PARP14: variants seen among roughly 807,000 people sequenced by gnomAD.
PARP14 encodes the protein poly(ADP-ribose) polymerase family member 14.
PARP14 carries 59 observed loss-of-function variants against 154.2 expected under a neutral mutation model. The ratio of observed to expected loss-of-function variants is 0.38; its 90% confidence interval spans 0.31 to 0.48. The LOEUF (loss-of-function observed/expected upper bound fraction) is 0.48, where lower values mean the gene tolerates loss of function less well. PARP14 is among the 20% of genes least tolerant of loss of function. The pLI is 0.98. For synonymous variants in PARP14, 720 were observed against 780.5 expected (o/e 0.92, Z 1.29); for missense variants, 1,734 against 2,131.6 (o/e 0.81, Z 3.67).
intron 16 of PARP14, 40 bp from the exon 17 acceptor site, chr3:122,728,268 A>C: frequency 6.5e-7 from 1 of 1,549,730 alleles, no homozygotes; most frequent in Non-Finnish European, 8.8e-7. Context: ...CAAATTTTAC[A>C]TTAACTTGAA....
intron 15 of PARP14, chr3:122,721,018 T>C (rs1933153694): frequency 3.1e-6 from 1 of 320,726 alleles, no homozygotes; most frequent in South Asian, 2.3e-5. Flanking sequence ...AAATTATATT[T>C]TCCTTGACTT....
At chr3:122,693,008 C>T (rs965582838) in intron 4 of PARP14, among the ~76,000 whole-genome samples, 29 of 152,254 alleles carry the variant, frequency 1.9e-4, no homozygotes, top group Middle Eastern at 3.4e-3. Flanking sequence ...AGCCTCTTTA[C>T]GTGTATTAAT....
chr3:122,686,806 T>G (rs1938389462), intron 2 of PARP14: 1 of 358,302 alleles, frequency 2.8e-6, no homozygotes, highest in African/African-American at 2.1e-5. Context: ...TGAGCTAAGA[T>G]GTTTCTCTGA....
In PARP14 at chr3:122,718,427, T is replaced by A; in HGVS notation, c.4276T>A (p.Ser1426Thr). 3 of 1,613,692 alleles carry A rather than the reference T, an allele frequency of 1.9e-6. No homozygotes were observed. The highest frequency in any genetic ancestry group is 2.5e-6 in the Non-Finnish European group (3 of 1,179,796). ...NHLVLEKKTE[S>T]ATFRVCGENV... is the part of the protein sequence containing the mutation. ...TTTGGTTTTGGAAAAGAAAACAGAA[T>A]CAGCAACTTTTCGGGTGTGTGGTGA... is the stretch of plus-strand genomic sequence containing the variant. Residue 1426 changes from serine to threonine, a missense_variant, in exon 14 of 17, where the codon TCA becomes ACA. Physicochemically the swap from Ser to Thr is moderately conservative, Grantham distance 58 (BLOSUM62 1). Around this residue, in one of 2 missense-constraint regions of PARP14, gnomAD observed 1,646 missense variants for 1,976.0 expected, o/e 0.83. Coordinates refer to ENST00000474629, the MANE Select transcript of PARP14 (RefSeq NM_017554.3).
At chr3:122,688,746 G>A (rs909147588) in intron 3 of PARP14, among the ~76,000 whole-genome samples, 6 of 152,222 alleles carry the variant, frequency 3.9e-5, no homozygotes, top group African/African-American at 4.8e-5. Context: ...CGTACTCTCC[G>A]GACAATGAAC....
intron 3 of PARP14, among the ~76,000 whole-genome samples, chr3:122,691,725 C>A (rs1258584065): frequency 1.3e-5 from 2 of 152,016 alleles, no homozygotes; most frequent in Non-Finnish European, 2.9e-5. Flanking sequence ...TTTTGAGAAG[C>A]TTTGTTGAAT....
At position 122,680,947 on chromosome 3, in the gene PARP14, A is replaced by T; in HGVS notation, c.64A>T (p.Asn22Tyr). ...EGSWGPDPPK[N>Y]LNTKLQMYFQ... is the part of the protein sequence containing the mutation. ...CTCCTGGGGCCCCGACCCCCCGAAGAACTTGAACACCAAGTTGCAGATGTA... is the reference window on the plus strand; with the variant it reads ...CTCCTGGGGCCCCGACCCCCCGAAGTACTTGAACACCAAGTTGCAGATGTA... Residue 22 changes from asparagine (N) to tyrosine (Y), a missense_variant, in exon 1 of 17, where the codon AAC (asparagine) becomes TAC (tyrosine). This residue lies in a region of PARP14 where 1,646 missense variants were observed against 1,976.0 expected (regional missense o/e 0.83). Transcript: ENST00000474629. 3 of 1,613,416 alleles carry T rather than the reference A, an allele frequency of 1.9e-6. No individual in the cohort carries two copies. The highest frequency in any genetic ancestry group is 2.5e-6 in the Non-Finnish European group (3 of 1,179,640).
Position 122,681,194 on chromosome 3 carries a change from CGGGGCG to C in PARP14, c.187+144_187+149del, listed in dbSNP as rs568390490. 3.0e-4 allele frequency: 20 copies of C among 65,578 alleles called. No individual in the cohort carries two copies. The highest frequency in any genetic ancestry group is 2.1e-3 in the South Asian group (6 of 2,848). The allele number at this position is 65,578 out of a possible 1,614,324, so 4.1% of individuals were successfully genotyped here. ...CGGCGGCTGCTGTAGCGGAGGTGGC[CGGGGCG>C]GGGGCGGGGGCGGGGGCGGCAGAAT... On this transcript the variant is annotated intron_variant, in intron 1 of 16. Transcript: ENST00000474629. This position sits in a 1 kb window ranked among gnomAD's most constrained non-coding sequence, Gnocchi z 5.5.
rs942277461 is a variant in PARP14 at position 122,729,355 on chromosome 3, G to A, written c.*758G>A. On this transcript the variant is annotated 3_prime_UTR_variant, in exon 17 of 17. Transcript: ENST00000474629. ...TGTGGCTGTGGTCTAGGGGAATCCT[G>A]CCTGCCCCATGGAGTTGCGCAGCAC... 2.6e-5 allele frequency: 4 copies of A among 152,610 alleles called. No individual in the cohort carries two copies. The highest frequency in any genetic ancestry group is 6.5e-5 in the Admixed American group (1 of 15,268). 9.5% of individuals were successfully genotyped at this position (152,610 alleles called of 1,614,324 possible).
chr3:122,720,719 G>T (rs1933143690), intron 15 of PARP14: 1 of 458,542 alleles, frequency 2.2e-6, no homozygotes, highest in African/African-American at 2.0e-5. Context: ...CCATGCAGAG[G>T]CTCCTTAGAT....
intron 4 of PARP14, among the ~76,000 whole-genome samples, chr3:122,693,075 T>A (rs535531057): frequency 6.6e-6 from 1 of 152,190 alleles, no homozygotes; most frequent in Admixed American, 6.5e-5. Flanking sequence ...CATGTTACAG[T>A]TGGGGAGACA....
At chr3:122,686,907 G>T (rs1250746679) in intron 2 of PARP14, 173 bp from the exon 3 acceptor site, 6 of 518,412 alleles carry the variant, frequency 1.2e-5, no homozygotes, top group Non-Finnish European at 2.0e-5. Context: ...TTTGTGACTT[G>T]CAAGTGAATA....
At position 122,726,702 on chromosome 3, in the gene PARP14, A is replaced by C. The variant is rs141808222; in HGVS notation, c.4942-1110A>C. ...ATTACTTGACATAATTATTTTTAAA[A>C]ATTTTAAAAGGTAAGAAACAACCTT... On this transcript the variant is annotated intron_variant, in intron 15 of 16. Transcript: ENST00000474629. Among the ~76,000 whole-genome samples, 766 of 152,276 alleles carry C rather than the reference A, an allele frequency of 5.0e-3. 8 individuals are homozygous for C. Among genetic ancestry groups the C allele is most frequent in the African/African-American group, 0.017 (690 of 41,566 alleles).
intron 12 of PARP14, among the ~76,000 whole-genome samples, chr3:122,715,226 T>G (rs767056245): frequency 2.6e-5 from 4 of 152,174 alleles, no homozygotes; most frequent in Non-Finnish European, 5.9e-5. Flanking sequence ...AGGGGAGGCA[T>G]GCATTCTTAG....
chr3:122,700,312 A>G lies in PARP14; in HGVS notation c.1758A>G (p.Leu586=). 1.2e-6 allele frequency: 2 copies of G among 1,613,608 alleles called. No individual in the cohort carries two copies. The change falls in exon 6 of 17, where the codon TTA becomes TTG. Residue 586 remains leucine (L), a synonymous_variant. Coordinates refer to ENST00000474629, the MANE Select transcript of PARP14 (RefSeq NM_017554.3). The stretch of plus-strand genomic sequence containing the variant: ...CCAGCTGTTCTTCTGAAGCCCTGTT[A>G]GAAGCAGAAAAGCAAATGCTCAGTG... ...LLTSCSSEAL[L]EAEKQMLSAL...
At position 122,700,348 on chromosome 3, in the gene PARP14, T is replaced by C. The variant is rs772978736; in HGVS notation, c.1794T>C (p.Tyr598=). 14 of 1,613,748 alleles carry C rather than the reference T, an allele frequency of 8.7e-6. No individual in the cohort carries two copies. Residue 598 remains tyrosine (Y), a synonymous_variant, in exon 6 of 17, where the codon TAT becomes TAC. Transcript: ENST00000474629. ...AEKQMLSALN[Y]KRIEVENKEV... ...AGCAAATGCTCAGTGCCTTAAATTATAAGCGCATTGAAGTTGAGAACAAAG... is the reference window on the plus strand; with the variant it reads ...AGCAAATGCTCAGTGCCTTAAATTACAAGCGCATTGAAGTTGAGAACAAAG...
chr3:122,692,796 A>G (rs1322578302), intron 4 of PARP14, among the ~76,000 whole-genome samples: 1 of 152,196 alleles, frequency 6.6e-6, no homozygotes, highest in Admixed American at 6.5e-5. Flanking sequence ...AGAGAGAGAG[A>G]GACAGGCAGA....
intron 2 of PARP14, chr3:122,686,792 A>T (rs1217677870): frequency 3.1e-6 from 1 of 319,148 alleles, no homozygotes; most frequent in African/African-American, 2.2e-5. Context: ...CAAGGGAAAA[A>T]TTATGAGCTA....
At position 122,700,153 on chromosome 3, in the gene PARP14, G is replaced by A. The variant is rs374119554; in HGVS notation, c.1599G>A (p.Gln533=). The A allele has an allele frequency of 1.2e-6, 2 of 1,613,278 alleles. No homozygotes were observed. Among genetic ancestry groups the A allele is most frequent in the African/African-American group, 2.7e-5 (2 of 74,920 alleles). ...EIQEKVYTMA[Q]KNIQVSPEIF... ...AGGAAAAGGTGTACACCATGGCTCAGAAAAACATTCAGGTTTCTCCTGAGA... is the reference window on the plus strand; with the variant it reads ...AGGAAAAGGTGTACACCATGGCTCAAAAAAACATTCAGGTTTCTCCTGAGA... The change falls in exon 6 of 17, where the codon CAG becomes CAA. Residue 533 remains glutamine (Q), a synonymous_variant. Transcript: ENST00000474629.
Sources: allele counts gnomAD v4.1 joint callset (sites outside exome capture counted in the v4.1 genomes callset), GRCh38; gene constraint gnomAD v4.1.1; regional missense constraint gnomAD v4.1.1; non-coding constraint Gnocchi (gnomAD v3.1); transcripts MANE v1.5; gene names NCBI Gene and HGNC (gene_info 2026-07-23, HGNC 2026-07-21).